Variants in PLPPR1 observed in about 807,000 individuals in gnomAD.
The protein encoded by PLPPR1 is phospholipid phosphatase related 1, also known as phospholipid phosphatase-related protein type 1.
Under a neutral mutation model 33.1 loss-of-function variants are expected in PLPPR1, and 10 were observed. The observed-to-expected ratio is 0.30, with a 90% CI of 0.19 to 0.51. The LOEUF is 0.51. PLPPR1 is among the 20% of genes least tolerant of loss of function. PLPPR1 has a pLI of 0.97. For missense variants in PLPPR1, 304 were observed against 408.1 expected (o/e 0.74, Z 2.20); for synonymous variants, 151 against 151.0 (o/e 1.00, Z 0.00).
intron 4 of PLPPR1, among the ~76,000 whole-genome samples, chr9:101,300,174 T>TA (rs1828726036): frequency 1.3e-5 from 2 of 152,076 alleles, no homozygotes. Flanking sequence ...GGAAGCAACT[T>TA]ACTTATTTTT....
intron 4 of PLPPR1, among the ~76,000 whole-genome samples, chr9:101,295,498 A>G (rs1191965932): frequency 6.6e-6 from 1 of 152,212 alleles, no homozygotes; most frequent in Non-Finnish European, 1.5e-5. Flanking sequence ...CACCAATTCA[A>G]TCCTAAGCCA....
chr9:101,216,197 A>G (rs1826791688), intron 2 of PLPPR1, among the ~76,000 whole-genome samples: 1 of 152,090 alleles, frequency 6.6e-6, no homozygotes, highest in Non-Finnish European at 1.5e-5. Context: ...CATTTTGCCT[A>G]TTTTTTGGGT....
intron 1 of PLPPR1, among the ~76,000 whole-genome samples, chr9:101,138,639 G>T (rs1411841308): frequency 3.9e-5 from 6 of 152,166 alleles, no homozygotes; most frequent in Admixed American, 6.6e-5. Flanking sequence ...CTCACTAGCT[G>T]TGTGACCTCT....
At chr9:101,252,545 A>G (rs142835779) in intron 2 of PLPPR1, among the ~76,000 whole-genome samples, 1 of 152,258 alleles carries the variant, frequency 6.6e-6, no homozygotes, top group East Asian at 1.9e-4. Context: ...AAAAATCCTT[A>G]TCCATTAATT....
At chr9:101,182,962 GA>G (rs1472175044) in intron 1 of PLPPR1, among the ~76,000 whole-genome samples, 2 of 151,608 alleles carry the variant, frequency 1.3e-5, no homozygotes, top group African/African-American at 2.4e-5. Context: ...ACGCCCAGTA[GA>G]ATAGCTATAA....
At chr9:101,094,224 G>C (rs1466014985) in intron 1 of PLPPR1, among the ~76,000 whole-genome samples, 1 of 152,158 alleles carries the variant, frequency 6.6e-6, no homozygotes, top group Non-Finnish European at 1.5e-5. Context: ...CTCCTATCAA[G>C]ACACTTAAGG....
rs7032166 is a variant in PLPPR1 at position 101,053,265 on chromosome 9, G to T, written c.-46+24163G>T. Among the ~76,000 whole-genome samples, 4 of 152,106 alleles carry T rather than the reference G, an allele frequency of 2.6e-5. No individual in the cohort carries two copies. The East Asian group carries it at 7.8e-4, about 30-fold the overall frequency. ...GGTCTCCTCCTGGAGGCTTCTTCCC[G>T]CTCACTTCCTTTCTTAATGTCGTCA... On this transcript the variant is annotated intron_variant, in intron 1 of 7. Transcript: ENST00000374874.
rs1049770108 is a variant in PLPPR1, at chr9:101,199,702, A to G, written c.63+14145A>G. 2.0e-5 allele frequency among the ~76,000 whole-genome samples: 3 copies of G among 152,204 alleles called. No homozygotes were observed. The East Asian group carries it at 5.8e-4, about 29-fold the overall frequency. On this transcript the variant is annotated intron_variant, in intron 2 of 7. Coordinates refer to ENST00000374874, the MANE Select transcript of PLPPR1 (RefSeq NM_207299.2). The stretch of plus-strand genomic sequence containing the variant: ...AGACACAGAAAAATAAGGTACATCT[A>G]TGCCTGAGATAGAGATCTTTATCTC...
intron 4 of PLPPR1, among the ~76,000 whole-genome samples, chr9:101,292,275 G>T (rs1260840389): frequency 1.3e-5 from 2 of 152,132 alleles, no homozygotes; most frequent in Non-Finnish European, 2.9e-5. Context: ...AAGCCTCCAA[G>T]AAATATGGGA....
intron 1 of PLPPR1, among the ~76,000 whole-genome samples, chr9:101,156,569 A>AAAG: frequency 9.1e-6 from 1 of 110,190 alleles, no homozygotes; most frequent in South Asian, 2.7e-4. Context: ...AAAAAAAAAA[A>AAAG]AAAAGAAAGA....
intron 2 of PLPPR1, among the ~76,000 whole-genome samples, chr9:101,205,098 TA>T (rs1290266065): frequency 6.6e-6 from 1 of 152,134 alleles, no homozygotes; most frequent in Non-Finnish European, 1.5e-5. Context: ...ATGTATCTAT[TA>T]GGGGGCTTCA....
chr9:101,168,676 T>G (rs1018614413), intron 1 of PLPPR1, among the ~76,000 whole-genome samples: 4 of 152,144 alleles, frequency 2.6e-5, no homozygotes, highest in Admixed American at 6.6e-5. Flanking sequence ...AGAAGGTACT[T>G]AACACATTAT....
chr9:101,180,129 TATATATATATATATACACAC>T (rs1218211783), intron 1 of PLPPR1, among the ~76,000 whole-genome samples: 5 of 36,134 alleles, frequency 1.4e-4, no homozygotes, highest in African/African-American at 7.2e-4. Context: ...TATATATATA[TATATATATATATATACACAC>T]ACACACACAC....
rs1431469 is a variant in PLPPR1 at position 101,222,280 on chromosome 9, C to A, written c.63+36723C>A. ...CTGTTAGATGATGTGCCAATACACA[C>A]CAGCATGCTTTTTGCTAAAAGGCAG... On this transcript the variant is annotated intron_variant, in intron 2 of 7. Coordinates refer to ENST00000374874, the MANE Select transcript of PLPPR1 (RefSeq NM_207299.2). Among the ~76,000 whole-genome samples the A allele has an allele frequency of 5.1e-4, 77 of 152,312 alleles. No homozygotes were observed. In the East Asian group the frequency reaches 0.015, roughly 29 times the overall value.
intron 2 of PLPPR1, among the ~76,000 whole-genome samples, chr9:101,262,525 G>A (rs763984496): frequency 3.3e-5 from 5 of 152,130 alleles, no homozygotes; most frequent in Non-Finnish European, 7.4e-5. Flanking sequence ...AGAAGATGTG[G>A]AGAAATAGGA....
At position 101,081,352 on chromosome 9, in the gene PLPPR1, G is replaced by A. The variant is rs563625939; in HGVS notation, c.-46+52250G>A. On this transcript the variant is annotated intron_variant, in intron 1 of 7. Transcript: ENST00000374874. Reference sequence around the variant, plus strand: ...CTCTGTCTCAAACGCCTGCCACCACGCCCAGCTAATTTTTGTATTTTTAGT... The same window carrying A: ...CTCTGTCTCAAACGCCTGCCACCACACCCAGCTAATTTTTGTATTTTTAGT... 8.6e-5 allele frequency among the ~76,000 whole-genome samples: 13 copies of A among 152,000 alleles called. No individual in the cohort carries two copies. The East Asian group carries it at 2.5e-3, about 29-fold the overall frequency.
At chr9:101,169,670 A>T (rs550277737) in intron 1 of PLPPR1, among the ~76,000 whole-genome samples, 1 of 148,958 alleles carries the variant, frequency 6.7e-6, no homozygotes, top group African/African-American at 2.4e-5. Flanking sequence ...TTTTAAAAAA[A>T]AATTGCTTTT....
intron 1 of PLPPR1, among the ~76,000 whole-genome samples, chr9:101,073,756 A>C (rs959729622): frequency 3.3e-5 from 5 of 152,186 alleles, no homozygotes; most frequent in African/African-American, 1.2e-4. Context: ...GAAAAATAAA[A>C]GTAGATCGAT....
intron 1 of PLPPR1, among the ~76,000 whole-genome samples, chr9:101,132,920 C>T (rs2987750): frequency 0.47 from 71,425 of 151,930 alleles, 17,249 homozygotes; most frequent in Non-Finnish European, 0.53. Flanking sequence ...TGGAACTTGT[C>T]TCTGTCTTGA....
Sources: allele counts gnomAD v4.1 joint callset (sites outside exome capture counted in the v4.1 genomes callset), GRCh38; gene constraint gnomAD v4.1.1; transcripts MANE v1.5; gene names NCBI Gene and HGNC (gene_info 2026-07-23, HGNC 2026-07-21).